The following RABGAP1L variants were observed in gnomAD, a reference collection of about 807,000 sequenced individuals.
The protein encoded by RABGAP1L is rab GTPase-activating protein 1-like.
RABGAP1L carries 63 observed loss-of-function variants against 137.7 expected under a neutral mutation model. That is an observed-to-expected ratio of 0.46 (90% CI 0.37 to 0.56). The LOEUF (loss-of-function observed/expected upper bound fraction) is 0.56. RABGAP1L is among the 20% of genes least tolerant of loss of function. RABGAP1L has a pLI of 0.00. For synonymous variants in RABGAP1L, 431 were observed against 433.7 expected, an observed-to-expected ratio of 0.99 and a Z score of 0.08; for missense variants, 1,095 against 1,244.0, an observed-to-expected ratio of 0.88 and a Z score of 1.80.
chr1:174,220,741 T>A (rs887170241), intron 2 of RABGAP1L: 2 of 322,892 alleles, frequency 6.2e-6, no homozygotes, highest in Admixed American at 4.7e-5. Context: ...TTGGAAACTG[T>A]CTTAAGTGTT....
intron 11 of RABGAP1L, among the ~76,000 whole-genome samples, chr1:174,328,963 A>G (rs973149589): frequency 1.3e-5 from 2 of 151,910 alleles, no homozygotes; most frequent in African/African-American, 4.8e-5. Context: ...TCAAGGAACT[A>G]GGAAAACAAA....
Position 174,761,370 on chromosome 1 carries a change from C to CG in RABGAP1L, c.2211+9021dup, listed in dbSNP as rs1685202816. 6.6e-6 allele frequency among the ~76,000 whole-genome samples: 1 copy of CG among 152,116 alleles called. No individual in the cohort carries two copies. The highest frequency in any genetic ancestry group is 1.9e-4 in the East Asian group (1 of 5,196). ...GGCGCTCCTCACTTGCCAGACAGTGCGGGGGCCAGGGAGAGGCACTCCTCA... is the reference window on the plus strand; with the variant it reads ...GGCGCTCCTCACTTGCCAGACAGTGCGGGGGGCCAGGGAGAGGCACTCCTCA... On this transcript the variant is annotated intron_variant, in intron 18 of 25. Coordinates refer to ENST00000681986, the MANE Select transcript of RABGAP1L (RefSeq NM_001366446.1). The surrounding 1 kb of genome is among the most constrained non-coding windows in gnomAD (Gnocchi z 4.0).
intron 12 of RABGAP1L, among the ~76,000 whole-genome samples, chr1:174,383,790 C>G (rs1024439515): frequency 6.6e-6 from 1 of 152,188 alleles, no homozygotes; most frequent in Admixed American, 6.5e-5. Context: ...GGAGCTGTTC[C>G]TATTCGGCCA....
chr1:174,721,546 A>G (rs1429416036), intron 17 of RABGAP1L, among the ~76,000 whole-genome samples: 5 of 152,212 alleles, frequency 3.3e-5, no homozygotes, highest in Non-Finnish European at 5.9e-5. Flanking sequence ...TAATAACTAA[A>G]CTTCCTCAGC....
At chr1:174,833,469 G>GATATATATATATATATATATA (rs1692397531) in intron 19 of RABGAP1L, among the ~76,000 whole-genome samples, 2 of 23,688 alleles carry the variant, frequency 8.4e-5, no homozygotes, top group African/African-American at 1.2e-4. Context: ...TATATATATA[G>GATATATATATATATATATATA]TAGAGACAGG....
chr1:174,781,285 CATT>C (rs1686983149), intron 18 of RABGAP1L, among the ~76,000 whole-genome samples: 1 of 152,192 alleles, frequency 6.6e-6, no homozygotes, highest in African/African-American at 2.4e-5. Context: ...GATGATATCT[CATT>C]GTGGTTTTGA....
At chr1:174,859,115 A>G (rs1193591731) in intron 19 of RABGAP1L, among the ~76,000 whole-genome samples, 1 of 152,192 alleles carries the variant, frequency 6.6e-6, no homozygotes, top group Non-Finnish European at 1.5e-5. Flanking sequence ...GCATGCGTAT[A>G]TTCATTGCAA....
At chr1:174,739,605 CTG>C (rs776098078) in intron 17 of RABGAP1L, among the ~76,000 whole-genome samples, 1 of 152,182 alleles carries the variant, frequency 6.6e-6, no homozygotes, top group Non-Finnish European at 1.5e-5. Flanking sequence ...TCTCCTGCCT[CTG>C]TGTGTTATGA....
chr1:174,623,435 C>G (rs187370180), intron 13 of RABGAP1L, among the ~76,000 whole-genome samples: 1 of 152,236 alleles, frequency 6.6e-6, no homozygotes, highest in East Asian at 1.9e-4. Context: ...CTCATGGAAG[C>G]TGACAGAAAG....
At chr1:174,277,339 C>T (rs1235780904) in intron 9 of RABGAP1L, among the ~76,000 whole-genome samples, 1 of 151,694 alleles carries the variant, frequency 6.6e-6, no homozygotes, top group Non-Finnish European at 1.5e-5. Context: ...AGAAGGAAGC[C>T]ACAAAAATGA....
At chr1:174,539,414 G>C (rs1443703633) in intron 13 of RABGAP1L, among the ~76,000 whole-genome samples, 1 of 151,908 alleles carries the variant, frequency 6.6e-6, no homozygotes, top group Admixed American at 6.6e-5. Context: ...TTTACATTAG[G>C]TATATCTCCT....
chr1:174,651,945 A>T (rs1030817905), intron 14 of RABGAP1L, among the ~76,000 whole-genome samples: 22 of 151,996 alleles, frequency 1.4e-4, no homozygotes, highest in Admixed American at 2.0e-4. Flanking sequence ...GGTCTTTACA[A>T]TTTGGCATGG....
chr1:174,613,804 T>C (rs1671508954), intron 13 of RABGAP1L, among the ~76,000 whole-genome samples: 2 of 152,354 alleles, frequency 1.3e-5, no homozygotes, highest in South Asian at 4.1e-4. Context: ...CCCTTTACCA[T>C]TATGTAATGG....
In RABGAP1L at chr1:174,383,248, T is replaced by C. The variant is rs533436343; in HGVS notation, c.1560-10747T>C. 3.7e-3 allele frequency among the ~76,000 whole-genome samples: 564 copies of C among 150,960 alleles called. 5 individuals carry two copies. The highest frequency in any genetic ancestry group is 0.013 in the African/African-American group (547 of 40,828). On this transcript the variant is annotated intron_variant, in intron 12 of 25. Coordinates refer to ENST00000681986, the MANE Select transcript of RABGAP1L (RefSeq NM_001366446.1). ...GAGGTTACTGCTGTCTTTTTGTTTG[T>C]CTGTGCCCTGCCCTCAGAGGTGGAG...
intron 19 of RABGAP1L, chr1:174,850,028 A>G: frequency 6.6e-6 from 4 of 605,348 alleles, no homozygotes; most frequent in Non-Finnish European, 1.2e-5. Flanking sequence ...TAATTTCTGG[A>G]TAGAAACTAA....
intron 19 of RABGAP1L, among the ~76,000 whole-genome samples, chr1:174,817,913 G>A (rs1261339810): frequency 1.3e-5 from 2 of 152,134 alleles, no homozygotes; most frequent in Non-Finnish European, 2.9e-5. Context: ...GAGAGCCAGC[G>A]ATAGCACTTA....
intron 19 of RABGAP1L, among the ~76,000 whole-genome samples, chr1:174,879,073 T>C (rs1313527753): frequency 6.6e-6 from 1 of 150,860 alleles, no homozygotes; most frequent in Non-Finnish European, 1.5e-5. Flanking sequence ...TAGCTGGGAC[T>C]ACAGGCACCT....
intron 13 of RABGAP1L, among the ~76,000 whole-genome samples, chr1:174,608,269 G>A (rs1670935694): frequency 6.6e-6 from 1 of 151,742 alleles, no homozygotes; most frequent in Non-Finnish European, 1.5e-5. Flanking sequence ...CATATGGATC[G>A]TTTATAATAA....
intron 11 of RABGAP1L, among the ~76,000 whole-genome samples, chr1:174,369,680 G>C (rs368095248): frequency 2.4e-4 from 37 of 152,052 alleles, no homozygotes; most frequent in Non-Finnish European, 3.7e-4. Context: ...TATTTCATTT[G>C]CTTTAACTTT....
Sources: allele counts gnomAD v4.1 joint callset (sites outside exome capture counted in the v4.1 genomes callset), GRCh38; gene constraint gnomAD v4.1.1; non-coding constraint Gnocchi (gnomAD v3.1); transcripts MANE v1.5; gene names NCBI Gene and HGNC (gene_info 2026-07-23, HGNC 2026-07-21).